The following CLIP1 variants were observed in gnomAD, a reference collection of about 807,000 sequenced individuals.
CLIP1 encodes the protein CAP-Gly domain-containing linker protein 1.
A neutral mutation model predicts 161.6 loss-of-function variants in CLIP1; 66 were observed. The ratio of observed to expected loss-of-function variants is 0.41; its 90% CI spans 0.33 to 0.50. The LOEUF (loss-of-function observed/expected upper bound fraction) is 0.50, where lower values mean the gene tolerates loss of function less well. Ranked by LOEUF, CLIP1 falls within the 20% of genes least tolerant of loss-of-function variation. The probability of loss-of-function intolerance (pLI) is 0.27; values close to 1 mark genes in which losing one functional copy is unlikely to be tolerated. For missense variants in CLIP1, 1,376 were observed against 1,702.0 expected, an observed-to-expected ratio of 0.81 and a Z score of 3.37; for synonymous variants, 598 against 626.2, an observed-to-expected ratio of 0.96 and a Z score of 0.67.
At chr12:122,340,675 A>T (rs1172211559) in intron 11 of CLIP1, 78 bp downstream of exon 11, 11 of 1,187,716 alleles carry the variant, frequency 9.3e-6, no homozygotes, top group Non-Finnish European at 1.3e-5. Flanking sequence ...AAGATGAATG[A>T]TCTCAACTCA....
intron 1 of CLIP1, among the ~76,000 whole-genome samples, chr12:122,412,449 G>T (rs1378549317): frequency 6.6e-6 from 1 of 151,896 alleles, no homozygotes; most frequent in African/African-American, 2.4e-5. Context: ...GAGGTCATCA[G>T]TTTGAGACCA....
At chr12:122,416,208 G>A (rs1956750714) in intron 1 of CLIP1, among the ~76,000 whole-genome samples, 1 of 152,118 alleles carries the variant, frequency 6.6e-6, no homozygotes, top group South Asian at 2.1e-4. Flanking sequence ...CTGCTCTCCA[G>A]CCTGGGTGAT....
intron 1 of CLIP1, among the ~76,000 whole-genome samples, chr12:122,388,990 T>C (rs1306980803): frequency 1.3e-5 from 2 of 152,208 alleles, no homozygotes; most frequent in Non-Finnish European, 2.9e-5. Context: ...CCAACACCTC[T>C]ACAGCAGCTT....
chr12:122,316,968 G>A (rs561742358), intron 18 of CLIP1, 113 bp from the exon 19 acceptor site: 74 of 639,186 alleles, frequency 1.2e-4, no homozygotes, highest in Admixed American at 6.2e-4. Flanking sequence ...TTAGTCACTC[G>A]CAAAAAAAAA....
intron 7 of CLIP1, among the ~76,000 whole-genome samples, chr12:122,353,968 G>A (rs1953191301): frequency 6.6e-6 from 1 of 151,820 alleles, no homozygotes; most frequent in South Asian, 2.1e-4. Context: ...ATTGAAAAAA[G>A]TCAAATCAAA....
intron 8 of CLIP1, among the ~76,000 whole-genome samples, chr12:122,352,444 T>G (rs1260101430): frequency 1.3e-5 from 2 of 152,156 alleles, no homozygotes; most frequent in Non-Finnish European, 2.9e-5. Context: ...TGCTTTAAAT[T>G]GAGGACACAC....
intron 24 of CLIP1, chr12:122,276,643 TTTTTC>T (rs1304350480): frequency 2.2e-5 from 8 of 366,046 alleles, no homozygotes; most frequent in Non-Finnish European, 3.4e-5. Flanking sequence ...TCAAGGTGAG[TTTTTC>T]TTTTATTTAA....
chr12:122,345,493 G>A (rs1952704000), intron 10 of CLIP1, among the ~76,000 whole-genome samples: 1 of 151,594 alleles, frequency 6.6e-6, no homozygotes, highest in Non-Finnish European at 1.5e-5. Context: ...CAAATACACA[G>A]GAGAAATCTT....
chr12:122,330,597 GTTTTTT>G (rs71082966), intron 15 of CLIP1, among the ~76,000 whole-genome samples: 1 of 101,404 alleles, frequency 9.9e-6, no homozygotes, highest in Non-Finnish European at 1.8e-5. Context: ...GTATAATGCA[GTTTTTT>G]TTTTTTTTTT....
At chr12:122,307,586 T>C (rs1036976163) in intron 20 of CLIP1, among the ~76,000 whole-genome samples, 29 of 152,318 alleles carry the variant, frequency 1.9e-4, no homozygotes, top group African/African-American at 5.3e-4. Flanking sequence ...TTCTGCCAAA[T>C]ACTGTAGCTC....
intron 20 of CLIP1, among the ~76,000 whole-genome samples, chr12:122,308,294 G>C (rs899617816): frequency 6.6e-6 from 1 of 152,230 alleles, no homozygotes; most frequent in African/African-American, 2.4e-5. Flanking sequence ...CTCTCTACCA[G>C]AGATGTTCAA....
intron 24 of CLIP1, chr12:122,277,559 C>CT (rs1260224698): frequency 6.6e-6 from 1 of 152,040 alleles, no homozygotes; most frequent in African/African-American, 2.4e-5. Context: ...AGAAACCAGT[C>CT]TTTTTAAGGT....
At chr12:122,326,516 CA>C (rs1288004487) in intron 17 of CLIP1, among the ~76,000 whole-genome samples, 1 of 152,082 alleles carries the variant, frequency 6.6e-6, no homozygotes, top group African/African-American at 2.4e-5. Context: ...TCTGTCTCTA[CA>C]AAAAATAAAA....
intron 10 of CLIP1, among the ~76,000 whole-genome samples, chr12:122,345,307 C>T (rs1302715132): frequency 6.8e-6 from 1 of 147,188 alleles, no homozygotes; most frequent in Non-Finnish European, 1.5e-5. Flanking sequence ...TGCCATGTAG[C>T]CACCACACCC....
intron 7 of CLIP1, 44 bp downstream of exon 7, chr12:122,354,409 A>G (rs4997380): frequency 0.74 from 1,051,686 of 1,412,352 alleles, 394,042 homozygotes; most frequent in East Asian, 0.85. Flanking sequence ...ACAAAAAAAA[A>G]GGGGGAAAGG....
intron 1 of CLIP1, among the ~76,000 whole-genome samples, chr12:122,404,553 T>A (rs1326556792): frequency 6.6e-6 from 1 of 150,960 alleles, no homozygotes; most frequent in Non-Finnish European, 1.5e-5. Flanking sequence ...TGAGCCAAGA[T>A]TGCGCCACAG....
At chr12:122,308,830 A>C (rs1053638122) in intron 20 of CLIP1, among the ~76,000 whole-genome samples, 2 of 152,232 alleles carry the variant, frequency 1.3e-5, no homozygotes, top group African/African-American at 4.8e-5. Context: ...TTTAAAGTCT[A>C]AAGTTAACTC....
At chr12:122,298,146 C>T (rs1422341961) in intron 20 of CLIP1, among the ~76,000 whole-genome samples, 1 of 152,134 alleles carries the variant, frequency 6.6e-6, no homozygotes. Flanking sequence ...GAGCATACTT[C>T]GGTAAGTATC....
intron 5 of CLIP1, among the ~76,000 whole-genome samples, chr12:122,357,467 A>C (rs1185727012): frequency 1.4e-5 from 2 of 147,436 alleles, no homozygotes; most frequent in Non-Finnish European, 3.0e-5. Context: ...GGAAGTGAGG[A>C]GCGTCTCCGC....
Sources: allele counts gnomAD v4.1 joint callset (sites outside exome capture counted in the v4.1 genomes callset), GRCh38; gene constraint gnomAD v4.1.1; transcripts MANE v1.5; gene names NCBI Gene and HGNC (gene_info 2026-07-23, HGNC 2026-07-21).